The following SCAF4 variants were observed in gnomAD, a reference collection of about 807,000 sequenced individuals.
SCAF4 encodes the protein SR-related CTD associated factor 4, also known as SR-related and CTD-associated factor 4.
In SCAF4, 25 loss-of-function variants were observed where a neutral mutation model predicts 129.8. The ratio of observed to expected loss-of-function variants is 0.19; its 90% CI spans 0.14 to 0.27. SCAF4 has a LOEUF of 0.27. Among genes scored for constraint, SCAF4 ranks in the 10% least tolerant of loss-of-function variants. SCAF4 has a pLI of 1.00. For synonymous variants in SCAF4, 551 were observed against 497.7 expected (o/e 1.11, Z -1.43); for missense variants, 1,246 against 1,457.1 (o/e 0.86, Z 2.36).
chr21:31,723,019 T>C (rs1470830493), intron 1 of SCAF4, among the ~76,000 whole-genome samples: 1 of 152,208 alleles, frequency 6.6e-6, no homozygotes, highest in Non-Finnish European at 1.5e-5. Flanking sequence ...CTAGAATTTA[T>C]TGTGAAGTAT....
At chr21:31,726,897 T>A (rs2051218680) in intron 1 of SCAF4, among the ~76,000 whole-genome samples, 1 of 152,152 alleles carries the variant, frequency 6.6e-6, no homozygotes, top group African/African-American at 2.4e-5. Context: ...ATATTATATA[T>A]TGTTTATGGA....
At chr21:31,694,676 G>A in intron 10 of SCAF4, 137 bp downstream of exon 10, 1 of 804,756 alleles carries the variant, frequency 1.2e-6, no homozygotes, top group Non-Finnish European at 2.0e-6. Flanking sequence ...TGAAAAACCT[G>A]GAGCACTGAG....
intron 1 of SCAF4, among the ~76,000 whole-genome samples, chr21:31,714,684 C>T (rs895606540): frequency 2.0e-5 from 3 of 152,142 alleles, no homozygotes; most frequent in Non-Finnish European, 4.4e-5. Flanking sequence ...GGGTACTCTG[C>T]TATTTACCAG....
intron 19 of SCAF4, among the ~76,000 whole-genome samples, chr21:31,674,835 AT>A (rs1377048290): frequency 6.6e-6 from 1 of 152,196 alleles, no homozygotes; most frequent in Non-Finnish European, 1.5e-5. Flanking sequence ...AAATATCTGA[AT>A]TTTCTATTAA....
At chr21:31,688,263 C>A (rs753153136) in intron 16 of SCAF4, 44 bp downstream of exon 16, 1 of 1,587,100 alleles carries the variant, frequency 6.3e-7, no homozygotes, top group East Asian at 2.2e-5. Flanking sequence ...TAGAAAGGGA[C>A]CTTTCAGGCA....
Position 31,691,909 on chromosome 21 carries a change from C to A in SCAF4, c.1636G>T (p.Ala546Ser). ...TGCCTATGAACCATAACAATATAGG[C>A]ACAACCCCTGGGAGGAATCATCTGC... ...SINMIPPRGC[A>S]YIVMVHRQDA... Residue 546 changes from alanine to serine, a missense_variant, in exon 14 of 20, where the codon GCC (alanine) becomes TCC (serine). Physicochemically the swap from Ala to Ser is moderately conservative, Grantham distance 99. Coordinates refer to ENST00000286835, the MANE Select transcript of SCAF4 (RefSeq NM_020706.2). 1 of 1,593,438 alleles carries A rather than the reference C, an allele frequency of 6.3e-7. No homozygotes were observed. The highest frequency in any genetic ancestry group is 1.3e-5 in the African/African-American group (1 of 74,094).
At chr21:31,685,759 C>T (rs1378067188) in intron 16 of SCAF4, 26 bp from the exon 17 acceptor site, 1 of 1,547,322 alleles carries the variant, frequency 6.5e-7, no homozygotes, top group Admixed American at 2.0e-5. Context: ...AAAGAATAAA[C>T]CACCTATCTA....
Position 31,685,552 on chromosome 21 carries a change from A to G in SCAF4, c.2209+16T>C, listed in dbSNP as rs1417619510. ...ATCGCAGGCTCTAAAGTATGTTCAC[A>G]GACAATTTAGTGTACCTGGTGGTAA... On this transcript the variant is annotated intron_variant, in intron 17 of 19. Coordinates refer to ENST00000286835, the MANE Select transcript of SCAF4 (RefSeq NM_020706.2). 2.5e-6 allele frequency: 4 copies of G among 1,614,014 alleles called. No individual in the cohort carries two copies. In the African/African-American group the frequency reaches 4.0e-5, roughly 16 times the overall value.
In SCAF4 at chr21:31,701,034, A is replaced by G. The variant is rs770585737; in HGVS notation, c.738T>C (p.Ala246=). The change falls in exon 7 of 20, where the codon GCT becomes GCC. Residue 246 remains alanine, a synonymous_variant. Coordinates refer to ENST00000286835, the MANE Select transcript of SCAF4 (RefSeq NM_020706.2). ...TTTTCTGTTCAGGTGGGGGGAAAGCAGCTTTTTGTTCAGATGGTTGTGTAG... is the reference window on the plus strand; with the variant it reads ...TTTTCTGTTCAGGTGGGGGGAAAGCGGCTTTTTGTTCAGATGGTTGTGTAG... ...TTPTQPSEQK[A]AFPPPEQKTA... 5 of 1,614,134 alleles carry G rather than the reference A, an allele frequency of 3.1e-6. No homozygotes were observed. The highest frequency in any genetic ancestry group is 4.2e-6 in the Non-Finnish European group (5 of 1,180,014).
rs1329171393 is a variant in SCAF4 at position 31,671,661 on chromosome 21, C to A, written c.3182G>T (p.Arg1061Ile). The change falls in exon 20 of 20, where the codon AGA (arginine) becomes ATA (isoleucine). Residue 1061 changes from arginine to isoleucine, a missense_variant. Transcript: ENST00000286835. ...ACGAGACTCTCTATCTCTAGAATCT[C>A]TCTCTCTGTCTCGATGCCCACTAGA... ...RRSSGHRDRERDSRDRESRRE... is the reference protein window; with the variant it reads ...RRSSGHRDREIDSRDRESRRE... 1.2e-6 allele frequency: 2 copies of A among 1,614,080 alleles called. No homozygotes were observed. The highest frequency in any genetic ancestry group is 1.7e-6 in the Non-Finnish European group (2 of 1,179,952).
intron 1 of SCAF4, among the ~76,000 whole-genome samples, chr21:31,728,189 G>A (rs2051256097): frequency 6.6e-6 from 1 of 152,096 alleles, no homozygotes; most frequent in South Asian, 2.1e-4. Context: ...CCATCTAAAA[G>A]ACTAGGGATT....
intron 19 of SCAF4, among the ~76,000 whole-genome samples, chr21:31,681,813 T>TA (rs2123485850): frequency 6.6e-6 from 1 of 152,352 alleles, no homozygotes; most frequent in Admixed American, 6.5e-5. Context: ...AGTCTGATGA[T>TA]ACAACCAAAC....
At chr21:31,729,591 TG>T (rs1426492381) in intron 1 of SCAF4, among the ~76,000 whole-genome samples, 1 of 151,286 alleles carries the variant, frequency 6.6e-6, no homozygotes, top group African/African-American at 2.5e-5. Context: ...GAACATTTCA[TG>T]AATGGGGAGA....
At chr21:31,695,521 A>G (rs2050364304) in intron 9 of SCAF4, among the ~76,000 whole-genome samples, 1 of 152,254 alleles carries the variant, frequency 6.6e-6, no homozygotes, top group Non-Finnish European at 1.5e-5. Context: ...AAATAAAACT[A>G]TAAATATAAT....
At chr21:31,686,133 G>T (rs911201356) in intron 16 of SCAF4, among the ~76,000 whole-genome samples, 12 of 150,880 alleles carry the variant, frequency 8.0e-5, no homozygotes, top group Non-Finnish European at 1.3e-4. Flanking sequence ...AACTCGGGAG[G>T]TGGAGGTTGC....
chr21:31,700,753 TTTTTCAC>T, intron 7 of SCAF4: 5 of 406,346 alleles, frequency 1.2e-5, no homozygotes, highest in Non-Finnish European at 2.2e-5. Flanking sequence ...TTTTTTTTTT[TTTTTCAC>T]TTTTTTAATT....
Position 31,671,790 on chromosome 21 carries a change from T to A in SCAF4, c.3053A>T (p.Asn1018Ile), listed in dbSNP as rs1339241689. Residue 1018 changes from asparagine (N) to isoleucine (I), a missense_variant, in exon 20 of 20, where the codon AAC (asparagine) becomes ATC (isoleucine). By Grantham distance (149) the Asn-to-Ile change is moderately radical. Around this residue, in one of 6 missense-constraint regions of SCAF4, gnomAD observed 339 missense variants for 325.0 expected, o/e 1.04. Coordinates refer to ENST00000286835, the MANE Select transcript of SCAF4 (RefSeq NM_020706.2). ...RVENDRERYG[N>I]RNDDRDNSNR... is the part of the protein sequence containing the mutation. ...ACTATTATCTCTATCATCATTACGG[T>A]TCCCATACCGTTCCCGGTCATTTTC... 1 of 1,614,024 alleles carries A rather than the reference T, an allele frequency of 6.2e-7. No individual in the cohort carries two copies.
intron 1 of SCAF4, among the ~76,000 whole-genome samples, chr21:31,717,841 A>ATATATATATATATG (rs1368659249): frequency 1.3e-4 from 11 of 83,328 alleles, no homozygotes; most frequent in African/African-American, 4.7e-4. Context: ...ATATATATAT[A>ATATATATATATATG]TACACACACA....
chr21:31,690,148 A>G (rs1177585448), intron 15 of SCAF4, among the ~76,000 whole-genome samples: 4 of 152,154 alleles, frequency 2.6e-5, no homozygotes, highest in African/African-American at 9.7e-5. Flanking sequence ...TTCTCTGGAC[A>G]TCTAAAACTT....
Sources: allele counts gnomAD v4.1 joint callset (sites outside exome capture counted in the v4.1 genomes callset), GRCh38; gene constraint gnomAD v4.1.1; regional missense constraint gnomAD v4.1.1; transcripts MANE v1.5; gene names NCBI Gene and HGNC (gene_info 2026-07-23, HGNC 2026-07-21).